Variants in TMTC2 observed in about 807,000 individuals in gnomAD.
TMTC2 encodes transmembrane O-mannosyltransferase targeting cadherins 2, also known as protein O-mannosyl-transferase TMTC2.
A neutral mutation model predicts 82.4 loss-of-function variants in TMTC2; 43 were observed. The observed-to-expected ratio is 0.52, with a 90% CI of 0.41 to 0.67. TMTC2 has a LOEUF of 0.67. TMTC2 is among the 30% of genes least tolerant of loss of function. The pLI, the probability that TMTC2 is intolerant of heterozygous loss-of-function variation, is 0.00. For missense variants in TMTC2, 919 were observed against 1,012.4 expected, an observed-to-expected ratio of 0.91 and a Z score of 1.25; for synonymous variants, 408 against 381.9, an observed-to-expected ratio of 1.07 and a Z score of -0.80.
chr12:83,089,615 G>A (rs994623885), intron 11 of TMTC2, among the ~76,000 whole-genome samples: 2 of 152,102 alleles, frequency 1.3e-5, no homozygotes, highest in Admixed American at 1.3e-4. Context: ...TGAGGCCTAG[G>A]TAGGGAGTGT....
Position 82,926,142 on chromosome 12 carries a change from A to G in TMTC2, c.1484-4289A>G, listed in dbSNP as rs558957089. Among the ~76,000 whole-genome samples the G allele has an allele frequency of 4.7e-4, 72 of 152,096 alleles. 2 individuals are homozygous for G. In the South Asian group the frequency reaches 0.015, roughly 31 times the overall value. On this transcript the variant is annotated intron_variant, in intron 3 of 11. Transcript: ENST00000321196. ...ACTACAGGCGTGTGCCAACACACCC[A>G]GCTAATTTTTTGTATTTTAGTAGAG... is the stretch of plus-strand genomic sequence containing the variant.
chr12:82,773,289 C>T (rs1409475942), intron 1 of TMTC2, among the ~76,000 whole-genome samples: 1 of 152,138 alleles, frequency 6.6e-6, no homozygotes, highest in Non-Finnish European at 1.5e-5. Context: ...TTTATTACTA[C>T]TCAACCTAAT....
At chr12:83,038,697 A>G (rs187370038) in intron 9 of TMTC2, among the ~76,000 whole-genome samples, 127 of 152,304 alleles carry the variant, frequency 8.3e-4, no homozygotes, top group African/African-American at 2.9e-3. Context: ...TAAAAATTAT[A>G]CATGGAGTAT....
At chr12:82,717,417 G>C (rs1306442692) in intron 1 of TMTC2, among the ~76,000 whole-genome samples, 1 of 151,968 alleles carries the variant, frequency 6.6e-6, no homozygotes, top group East Asian at 1.9e-4. Context: ...TTTTAGTAGA[G>C]ATGGGGTTTT....
intron 8 of TMTC2, among the ~76,000 whole-genome samples, chr12:83,014,256 G>A (rs545589129): frequency 6.6e-6 from 1 of 152,144 alleles, no homozygotes; most frequent in East Asian, 1.9e-4. Flanking sequence ...TCTGCCTTCT[G>A]CACTCAAGTG....
chr12:82,748,236 A>T (rs1385307078), intron 1 of TMTC2, among the ~76,000 whole-genome samples: 1 of 150,440 alleles, frequency 6.6e-6, no homozygotes, highest in Non-Finnish European at 1.5e-5. Flanking sequence ...GCTTGTACCC[A>T]GGAGGTGGAG....
chr12:82,957,399 T>C (rs569508599), intron 4 of TMTC2, among the ~76,000 whole-genome samples: 62 of 152,268 alleles, frequency 4.1e-4, no homozygotes, highest in Non-Finnish European at 3.1e-4. Context: ...AAGAGAAAGT[T>C]CATAGTCCCA....
At chr12:83,039,035 G>T (rs191090166) in intron 9 of TMTC2, among the ~76,000 whole-genome samples, 2 of 149,004 alleles carry the variant, frequency 1.3e-5, no homozygotes, top group Non-Finnish European at 3.0e-5. Flanking sequence ...GGGTTCAAGC[G>T]ATTCTCCAGC....
chr12:82,985,940 G>A lies in TMTC2; in HGVS notation c.1964G>A (p.Arg655His), dbSNP rs779280970. 130 of 1,613,486 alleles carry A rather than the reference G, an allele frequency of 8.1e-5. 1 individual carries two copies. In the East Asian group the frequency reaches 8.7e-4, roughly 11 times the overall value. The change falls in exon 8 of 12, where the codon CGT becomes CAT. Residue 655 changes from arginine (R) to histidine (H), a missense_variant. By Grantham distance (29) the Arg-to-His change is conservative. Transcript: ENST00000321196. The part of the protein sequence containing the change: ...LYNMMGEAYM[R>H]LSKLPEAEHW... ...CTCTTTCCAGGTGAAGCATATATGC[G>A]TTTAAGCAAACTCCCCGAAGCAGAG...
chr12:83,067,602 T>G (rs1207407484), intron 11 of TMTC2, among the ~76,000 whole-genome samples: 1 of 152,038 alleles, frequency 6.6e-6, no homozygotes, highest in Non-Finnish European at 1.5e-5. Context: ...TATGGTCATT[T>G]GGTTATCTGC....
chr12:82,963,627 C>T (rs1046826860), intron 4 of TMTC2, among the ~76,000 whole-genome samples: 14 of 150,210 alleles, frequency 9.3e-5, no homozygotes, highest in Non-Finnish European at 1.8e-4. Context: ...AAAATTTTTT[C>T]ATCCTCTTTA....
At chr12:82,812,398 C>G (rs1432341521) in intron 1 of TMTC2, among the ~76,000 whole-genome samples, 1 of 151,888 alleles carries the variant, frequency 6.6e-6, no homozygotes, top group Non-Finnish European at 1.5e-5. Context: ...AGTAATGGCC[C>G]AACTGGAAAT....
At chr12:83,077,523 T>C (rs1426836840) in intron 11 of TMTC2, among the ~76,000 whole-genome samples, 1 of 152,186 alleles carries the variant, frequency 6.6e-6, no homozygotes, top group East Asian at 1.9e-4. Flanking sequence ...TAAATTCTTA[T>C]GTGTGTTATG....
chr12:82,906,959 G>A (rs1874348863), intron 3 of TMTC2, among the ~76,000 whole-genome samples: 1 of 152,090 alleles, frequency 6.6e-6, no homozygotes, highest in Admixed American at 6.5e-5. Flanking sequence ...CTTCTCTATT[G>A]AGTAGAAAAA....
chr12:82,743,159 G>A (rs1875505885), intron 1 of TMTC2, among the ~76,000 whole-genome samples: 2 of 152,154 alleles, frequency 1.3e-5, no homozygotes, highest in Admixed American at 1.3e-4. Context: ...AAAAGCAGAT[G>A]TAGCTGGGCG....
chr12:82,943,095 G>A (rs1876812444), intron 4 of TMTC2, among the ~76,000 whole-genome samples: 2 of 152,220 alleles, frequency 1.3e-5, no homozygotes, highest in African/African-American at 2.4e-5. Flanking sequence ...GCATGCTGAA[G>A]GCTAAGAAAG....
In TMTC2 at chr12:82,796,709, G is replaced by A. The variant is rs75202683; in HGVS notation, c.84-60301G>A. On this transcript the variant is annotated intron_variant, in intron 1 of 11. Coordinates refer to ENST00000321196, the MANE Select transcript of TMTC2 (RefSeq NM_152588.3). ...AACTGTGGTTGAAACTTCTGCCCGA[G>A]CCTGTTTCTTCTCAGGCTGGTTCTA... 9.3e-3 allele frequency among the ~76,000 whole-genome samples: 1,409 copies of A among 152,140 alleles called. 25 individuals are homozygous for A. Among genetic ancestry groups the A allele is most frequent in the African/African-American group, 0.033 (1,367 of 41,516 alleles).
chr12:82,784,078 T>G lies in TMTC2; in HGVS notation c.84-72932T>G, dbSNP rs564317221. Among the ~76,000 whole-genome samples, 4 of 152,132 alleles carry G rather than the reference T, an allele frequency of 2.6e-5. No individual in the cohort carries two copies. The South Asian group carries it at 8.3e-4, about 32-fold the overall frequency. ...GCCTGCTGTAAACTGGAGTGGTTCT[T>G]TTTTTTAACCAGTTCACATCATCAT... is the stretch of plus-strand genomic sequence containing the variant. On this transcript the variant is annotated intron_variant, in intron 1 of 11. Transcript: ENST00000321196.
intron 1 of TMTC2, among the ~76,000 whole-genome samples, chr12:82,745,559 A>G (rs1243967179): frequency 6.6e-6 from 1 of 152,218 alleles, no homozygotes; most frequent in Non-Finnish European, 1.5e-5. Context: ...TCAGTAGCTT[A>G]AAATGTTCAT....
Sources: allele counts gnomAD v4.1 joint callset (sites outside exome capture counted in the v4.1 genomes callset), GRCh38; gene constraint gnomAD v4.1.1; transcripts MANE v1.5; gene names NCBI Gene and HGNC (gene_info 2026-07-23, HGNC 2026-07-21).